The following SPOCK3 variants were observed in gnomAD, a reference collection of about 807,000 sequenced individuals.
SPOCK3 encodes testican-3.
Under a neutral mutation model 56.6 loss-of-function variants are expected in SPOCK3, and 30 were observed. The observed-to-expected ratio is 0.53, with a 90% CI of 0.40 to 0.72. The LOEUF is 0.72. Ranked by LOEUF, SPOCK3 falls within the 30% of genes least tolerant of loss-of-function variation. SPOCK3 has a pLI of 0.00. For missense variants in SPOCK3, 527 were observed against 530.0 expected, an observed-to-expected ratio of 0.99 and a Z score of 0.06; for synonymous variants, 196 against 183.3, an observed-to-expected ratio of 1.07 and a Z score of -0.56.
intron 6 of SPOCK3, among the ~76,000 whole-genome samples, chr4:166,865,500 G>T (rs1467502564): frequency 6.6e-6 from 1 of 152,124 alleles, no homozygotes; most frequent in Non-Finnish European, 1.5e-5. Flanking sequence ...GTCTCTGTTT[G>T]CAGATGACAT....
intron 3 of SPOCK3, among the ~76,000 whole-genome samples, chr4:167,038,715 G>A (rs1218758383): frequency 4.1e-5 from 6 of 147,796 alleles, no homozygotes; most frequent in Non-Finnish European, 7.4e-5. Flanking sequence ...AAAAACAGCT[G>A]CTACTTGAGC....
At chr4:167,046,714 C>T (rs912558517) in intron 3 of SPOCK3, among the ~76,000 whole-genome samples, 1 of 151,934 alleles carries the variant, frequency 6.6e-6, no homozygotes, top group African/African-American at 2.4e-5. Context: ...CTCGGCCTCC[C>T]AAAGTGCTAG....
chr4:167,045,706 T>C (rs1406130460), intron 3 of SPOCK3, among the ~76,000 whole-genome samples: 1 of 152,138 alleles, frequency 6.6e-6, no homozygotes, highest in Admixed American at 6.6e-5. Context: ...TAATAAAATA[T>C]TTATAATTCC....
chr4:166,778,526 A>C lies in SPOCK3; in HGVS notation c.709+13644T>G, dbSNP rs144932124. Among the ~76,000 whole-genome samples the C allele has an allele frequency of 4.2e-3, 632 of 152,258 alleles. 2 individuals are homozygous for C. Among genetic ancestry groups the C allele is most frequent in the African/African-American group, 0.014 (601 of 41,548 alleles). On this transcript the variant is annotated intron_variant, in intron 7 of 10. Transcript: ENST00000357545. ...CGAGGGGAAGGGGTAAACAGCAGGT[A>C]TTGAGAAGAAAAGCACCATTCTGGT...
At chr4:166,820,710 G>C (rs1324654945) in intron 6 of SPOCK3, among the ~76,000 whole-genome samples, 2 of 151,944 alleles carry the variant, frequency 1.3e-5, no homozygotes, top group African/African-American at 4.8e-5. Flanking sequence ...TGTGGTTCCA[G>C]GTACTTGGGA....
At chr4:167,044,268 T>C (rs1390502954) in intron 3 of SPOCK3, among the ~76,000 whole-genome samples, 1 of 152,040 alleles carries the variant, frequency 6.6e-6, no homozygotes, top group Admixed American at 6.6e-5. Context: ...CTTTTAATGT[T>C]CATGAAATCT....
At chr4:167,180,600 A>G (rs1731375554) in intron 2 of SPOCK3, among the ~76,000 whole-genome samples, 1 of 152,240 alleles carries the variant, frequency 6.6e-6, no homozygotes, top group South Asian at 2.1e-4. Context: ...GCACACAATG[A>G]TGAATCACAG....
At chr4:166,840,771 GT>G (rs70955697) in intron 6 of SPOCK3, among the ~76,000 whole-genome samples, 20,214 of 67,270 alleles carry the variant, frequency 0.3, 2,800 homozygotes, top group Non-Finnish European at 0.4. Flanking sequence ...AGAAGCAAAA[GT>G]TTTTTTTTTT....
chr4:166,783,717 AT>A (rs995410840), intron 7 of SPOCK3, among the ~76,000 whole-genome samples: 3 of 151,858 alleles, frequency 2.0e-5, no homozygotes, highest in African/African-American at 4.8e-5. Context: ...ACCCCAAATA[AT>A]TTTTTTAAGT....
intron 8 of SPOCK3, chr4:166,754,197 T>G (rs2126490080): frequency 9.5e-7 from 1 of 1,052,982 alleles, no homozygotes; most frequent in South Asian, 4.0e-5. Context: ...CAAATTAATT[T>G]TAATGATTAC....
intron 2 of SPOCK3, among the ~76,000 whole-genome samples, chr4:167,201,203 T>C (rs1304142271): frequency 1.3e-5 from 2 of 151,970 alleles, no homozygotes; most frequent in African/African-American, 2.4e-5. Context: ...CATAAAAAAT[T>C]TGAAAATCAA....
intron 4 of SPOCK3, among the ~76,000 whole-genome samples, chr4:166,940,148 A>C (rs1740883828): frequency 6.6e-6 from 1 of 152,210 alleles, no homozygotes; most frequent in South Asian, 2.1e-4. Context: ...CTTTTCTACT[A>C]TTGCTAAAAC....
chr4:166,831,322 T>C (rs946659059), intron 6 of SPOCK3, among the ~76,000 whole-genome samples: 2 of 152,234 alleles, frequency 1.3e-5, no homozygotes, highest in African/African-American at 4.8e-5. Flanking sequence ...TATCTTTTAT[T>C]GTCTAGCAAA....
intron 4 of SPOCK3, among the ~76,000 whole-genome samples, chr4:166,985,530 A>G (rs1448328381): frequency 6.6e-6 from 1 of 152,146 alleles, no homozygotes; most frequent in Non-Finnish European, 1.5e-5. Context: ...TCAGGACTCA[A>G]TGTTGTCCTC....
intron 2 of SPOCK3, among the ~76,000 whole-genome samples, chr4:167,100,169 C>A (rs1233947101): frequency 6.6e-6 from 1 of 152,034 alleles, no homozygotes; most frequent in African/African-American, 2.4e-5. Flanking sequence ...AATAAAGCAA[C>A]CAAGGTGTAA....
intron 5 of SPOCK3, among the ~76,000 whole-genome samples, chr4:166,905,926 T>C (rs1233276428): frequency 6.6e-6 from 1 of 152,122 alleles, no homozygotes. Flanking sequence ...TGAAATTCTA[T>C]ACTGAAAATT....
chr4:166,893,052 T>A (rs921883366), intron 5 of SPOCK3, among the ~76,000 whole-genome samples: 1 of 152,126 alleles, frequency 6.6e-6, no homozygotes, highest in Non-Finnish European at 1.5e-5. Flanking sequence ...TGAGACAATT[T>A]TGTTTGTCAC....
At chr4:166,989,339 T>A (rs1214919843) in intron 4 of SPOCK3, among the ~76,000 whole-genome samples, 2 of 152,062 alleles carry the variant, frequency 1.3e-5, no homozygotes, top group Admixed American at 6.6e-5. Context: ...CTCACTTAAA[T>A]AATTATGTGT....
rs147909157 is a variant in SPOCK3, at chr4:166,854,479, C to A, written c.589+34651G>T. 3.9e-3 allele frequency among the ~76,000 whole-genome samples: 591 copies of A among 152,196 alleles called. 4 individuals are homozygous for A. Among genetic ancestry groups the A allele is most frequent in the African/African-American group, 0.012 (489 of 41,512 alleles). ...ACAAATAGCTACAATAAATTGGATT[C>A]TTTGTTAAAAAACTTTGTAAAAATG... is the stretch of plus-strand genomic sequence containing the variant. On this transcript the variant is annotated intron_variant, in intron 6 of 10. Transcript: ENST00000357545.
Sources: allele counts gnomAD v4.1 joint callset (sites outside exome capture counted in the v4.1 genomes callset), GRCh38; gene constraint gnomAD v4.1.1; transcripts MANE v1.5; gene names NCBI Gene and HGNC (gene_info 2026-07-23, HGNC 2026-07-21).